Variants in CACNB2 observed in about 807,000 individuals in gnomAD.
CACNB2 encodes the protein calcium voltage-gated channel auxiliary subunit beta 2.
Under a neutral mutation model 73.3 loss-of-function variants are expected in CACNB2, and 42 were observed. The ratio of observed to expected loss-of-function variants is 0.57; its 90% CI spans 0.45 to 0.74. The LOEUF (loss-of-function observed/expected upper bound fraction) is 0.74. Among genes scored for constraint, CACNB2 ranks in the 30% least tolerant of loss-of-function variants. The pLI, the probability that CACNB2 is intolerant of heterozygous loss-of-function variation, is 0.00. For missense variants in CACNB2, 940 were observed against 853.0 expected, an observed-to-expected ratio of 1.10 and a Z score of -1.27; for synonymous variants, 348 against 310.3, an observed-to-expected ratio of 1.12 and a Z score of -1.28.
chr10:18,409,896 A>T (rs949322311), intron 3 of CACNB2, among the ~76,000 whole-genome samples: 1 of 152,096 alleles, frequency 6.6e-6, no homozygotes, highest in Admixed American at 6.6e-5. Flanking sequence ...TATGTTCAGT[A>T]TGTCACTCGC....
intron 2 of CACNB2, among the ~76,000 whole-genome samples, chr10:18,332,299 G>A (rs555970146): frequency 2.6e-5 from 4 of 152,266 alleles, no homozygotes; most frequent in African/African-American, 7.2e-5. Flanking sequence ...TTGGATTTGC[G>A]AAATACTTTG....
intron 2 of CACNB2, among the ~76,000 whole-genome samples, chr10:18,352,322 C>T (rs1351625216): frequency 1.3e-5 from 2 of 152,224 alleles, no homozygotes; most frequent in African/African-American, 2.4e-5. Flanking sequence ...ATTCTTACAA[C>T]ACCAACAGAA....
chr10:18,479,970 A>G (rs1280859293), intron 3 of CACNB2, among the ~76,000 whole-genome samples: 1 of 152,146 alleles, frequency 6.6e-6, no homozygotes, highest in African/African-American at 2.4e-5. Flanking sequence ...TCCCAGGTTG[A>G]TCATAGGCTG....
chr10:18,380,553 C>A (rs988194787), intron 2 of CACNB2, among the ~76,000 whole-genome samples: 2 of 144,886 alleles, frequency 1.4e-5, no homozygotes. Flanking sequence ...CTCCTAGGTT[C>A]AAGCGATTCT....
At chr10:18,224,739 A>G (rs1317959450) in intron 2 of CACNB2, among the ~76,000 whole-genome samples, 1 of 152,160 alleles carries the variant, frequency 6.6e-6, no homozygotes, top group African/African-American at 2.4e-5. Flanking sequence ...CCAATATAGA[A>G]TCACTCTTTC....
chr10:18,235,478 G>A (rs755219550), intron 2 of CACNB2, among the ~76,000 whole-genome samples: 7 of 152,280 alleles, frequency 4.6e-5, no homozygotes, highest in Admixed American at 1.3e-4. Flanking sequence ...AAATTAAAAA[G>A]ATAGTTAAAG....
intron 2 of CACNB2, among the ~76,000 whole-genome samples, chr10:18,356,948 T>TTTTTC (rs1278461143): frequency 3.2e-4 from 30 of 92,756 alleles, no homozygotes; most frequent in Non-Finnish European, 5.1e-4. Flanking sequence ...ATTTCTTTTT[T>TTTTTC]TTTTTTTTTT....
intron 2 of CACNB2, among the ~76,000 whole-genome samples, chr10:18,168,458 C>A (rs2033012653): frequency 6.6e-6 from 1 of 151,870 alleles, no homozygotes; most frequent in Non-Finnish European, 1.5e-5. Flanking sequence ...CAGATGATTT[C>A]TTGATATCTT....
chr10:18,492,796 G>A (rs2049533464), intron 3 of CACNB2, among the ~76,000 whole-genome samples: 1 of 152,184 alleles, frequency 6.6e-6, no homozygotes, highest in African/African-American at 2.4e-5. Flanking sequence ...ATTAAACTGT[G>A]TTGATGAGTT....
intron 3 of CACNB2, among the ~76,000 whole-genome samples, chr10:18,491,661 G>C (rs2049434608): frequency 6.6e-6 from 1 of 152,032 alleles, no homozygotes; most frequent in South Asian, 2.1e-4. Context: ...GCCCTGAATG[G>C]TAAGAGGAAA....
chr10:18,234,618 A>C (rs12245011), intron 2 of CACNB2, among the ~76,000 whole-genome samples: 7,154 of 152,286 alleles, frequency 0.047, 595 homozygotes, highest in African/African-American at 0.16. Context: ...CAGTCACAAA[A>C]AGGACAAATA....
At chr10:18,196,767 C>G (rs1241171181) in intron 2 of CACNB2, among the ~76,000 whole-genome samples, 1 of 152,170 alleles carries the variant, frequency 6.6e-6, no homozygotes, top group African/African-American at 2.4e-5. Context: ...ATCACTGTGA[C>G]TGAAATGCCT....
intron 2 of CACNB2, among the ~76,000 whole-genome samples, chr10:18,267,506 T>A (rs979126638): frequency 6.6e-6 from 1 of 152,112 alleles, no homozygotes; most frequent in Non-Finnish European, 1.5e-5. Context: ...CTCAGGAGGC[T>A]GAGGCATGAG....
intron 2 of CACNB2, among the ~76,000 whole-genome samples, chr10:18,370,181 G>A (rs1035061870): frequency 2.0e-5 from 3 of 152,300 alleles, no homozygotes; most frequent in Admixed American, 6.5e-5. Flanking sequence ...CATTTAAATA[G>A]CCACACTTGT....
chr10:18,411,968 C>T (rs2044655891), intron 3 of CACNB2, among the ~76,000 whole-genome samples: 1 of 152,206 alleles, frequency 6.6e-6, no homozygotes. Context: ...TTAGGTTACA[C>T]TTCTCTGCCA....
chr10:18,188,689 A>G (rs1236872818), intron 2 of CACNB2, among the ~76,000 whole-genome samples: 1 of 152,186 alleles, frequency 6.6e-6, no homozygotes, highest in Non-Finnish European at 1.5e-5. Context: ...AGGCAAGTAT[A>G]AGGAGAAAAA....
chr10:18,429,435 C>G (rs2045766380), intron 3 of CACNB2, among the ~76,000 whole-genome samples: 1 of 152,100 alleles, frequency 6.6e-6, no homozygotes, highest in South Asian at 2.1e-4. Flanking sequence ...AGAATTTTGT[C>G]AACCCTGGAA....
At chr10:18,193,745 CAG>C (rs1219303045) in intron 2 of CACNB2, among the ~76,000 whole-genome samples, 1 of 152,116 alleles carries the variant, frequency 6.6e-6, no homozygotes, top group Non-Finnish European at 1.5e-5. Context: ...TCTGGACAAA[CAG>C]ATAAACTCCT....
chr10:18,468,577 C>A (rs1306750300), intron 3 of CACNB2, among the ~76,000 whole-genome samples: 1 of 152,116 alleles, frequency 6.6e-6, no homozygotes, highest in Non-Finnish European at 1.5e-5. Context: ...AAACTGCAGA[C>A]TGAGCGTCTG....
Sources: gnomAD v4.1 joint callset for allele counts (sites outside exome capture counted in the v4.1 genomes callset) on GRCh38, gnomAD v4.1.1 for gene constraint, MANE v1.5 for transcripts, NCBI Gene and HGNC (gene_info 2026-07-23, HGNC 2026-07-21) for gene names.